The following MYO18B variants were observed in gnomAD, a reference collection of about 807,000 sequenced individuals.
The protein encoded by MYO18B is myosin XVIIIB.
Under a neutral mutation model 273.0 loss-of-function variants are expected in MYO18B, and 204 were observed. The ratio of observed to expected loss-of-function variants is 0.75; its 90% CI spans 0.67 to 0.84. The LOEUF (loss-of-function observed/expected upper bound fraction) is 0.84. Among genes scored for constraint, MYO18B ranks in the 40% least tolerant of loss-of-function variants. The pLI is 0.00. For missense variants in MYO18B, 3,212 were observed against 3,287.6 expected, an observed-to-expected ratio of 0.98 and a Z score of 0.56; for synonymous variants, 1,330 against 1,305.7, an observed-to-expected ratio of 1.02 and a Z score of -0.40.
intron 30 of MYO18B, 49 bp from the exon 31 acceptor site, chr22:25,903,582 G>A (rs956036456): frequency 1.2e-5 from 18 of 1,540,454 alleles, no homozygotes; most frequent in Non-Finnish European, 1.6e-5. Context: ...GGGGGAGGAG[G>A]GAGGCATACT....
chr22:26,003,125 G>A lies in MYO18B; in HGVS notation c.6288-140G>A, dbSNP rs116124727. The A allele has an allele frequency of 1.1e-3, 809 of 733,238 alleles. 3 individuals are homozygous for A. In the African/African-American group the frequency reaches 0.012, roughly 11 times the overall value. 45.4% of individuals were successfully genotyped at this position (733,238 alleles called of 1,614,324 possible). A position where few individuals can be genotyped will look rare whatever the true frequency, so the allele number is the denominator to read the frequency against. ...GAAGGAAGAAAGGAAGCTCAGGGAA[G>A]GCAAGTGACTTCCCTGAGATCACAC... On this transcript the variant is annotated intron_variant, in intron 40 of 43. Transcript: ENST00000335473.
chr22:25,891,039 T>C (rs1416401153), intron 26 of MYO18B, among the ~76,000 whole-genome samples, 164 bp downstream of exon 26: 1 of 152,196 alleles, frequency 6.6e-6, no homozygotes, highest in African/African-American at 2.4e-5. Flanking sequence ...TCCTAAGGCT[T>C]GGCCTTGGGG....
rs533165096 is a variant in MYO18B at position 25,949,954 on chromosome 22, C to T, written c.5749-413C>T. ...AAAGGCTGAGCTGAGATTGTCAGTC[C>T]GTTTTACGAATGCAGAGACTCAGGT... On this transcript the variant is annotated intron_variant, in intron 36 of 43. Transcript: ENST00000335473. Among the ~76,000 whole-genome samples, 108 of 152,216 alleles carry T rather than the reference C, an allele frequency of 7.1e-4. No homozygotes were observed. The Middle Eastern group carries it at 0.01, about 14-fold the overall frequency.
intron 40 of MYO18B, among the ~76,000 whole-genome samples, chr22:26,002,449 A>G (rs1934044580): frequency 6.6e-6 from 1 of 152,156 alleles, no homozygotes; most frequent in African/African-American, 2.4e-5. Flanking sequence ...CCCCAGGGTG[A>G]CAGGCTTTTG....
chr22:25,825,090 T>A (rs548973446), intron 13 of MYO18B, among the ~76,000 whole-genome samples: 1 of 149,182 alleles, frequency 6.7e-6, no homozygotes, highest in Non-Finnish European at 1.5e-5. Flanking sequence ...CGTGCACACA[T>A]ATGCACAGGC....
At position 25,847,588 on chromosome 22, in the gene MYO18B, C is replaced by G; in HGVS notation, c.3711C>G (p.Ile1237Met). Residue 1237 changes from isoleucine to methionine, a missense_variant, in exon 20 of 44, where the codon ATC becomes ATG. Transcript: ENST00000335473. ...PGAGGPLALD[I>M]PALRVQLAGF... The stretch of plus-strand genomic sequence containing the variant: ...CAGGTGGACCTCTGGCCCTGGATAT[C>G]CCAGCACTGAGGGTCCAGCTTGCTG... 1 of 1,566,646 alleles carries G rather than the reference C, an allele frequency of 6.4e-7. No individual in the cohort carries two copies. Among genetic ancestry groups the G allele is most frequent in the South Asian group, 1.2e-5 (1 of 84,840 alleles).
chr22:26,003,858 C>T (rs1934195329), intron 41 of MYO18B, among the ~76,000 whole-genome samples: 1 of 152,026 alleles, frequency 6.6e-6, no homozygotes, highest in Non-Finnish European at 1.5e-5. Context: ...TTTATAGAGG[C>T]ACAGAGGGTA....
chr22:25,782,836 A>T (rs977973823), intron 10 of MYO18B, among the ~76,000 whole-genome samples: 7 of 152,224 alleles, frequency 4.6e-5, no homozygotes, highest in Non-Finnish European at 1.0e-4. Context: ...GTAACTGAGC[A>T]GCAGGGAAAC....
chr22:25,787,215 A>G (rs931204491), intron 11 of MYO18B, among the ~76,000 whole-genome samples: 10 of 151,926 alleles, frequency 6.6e-5, no homozygotes, highest in African/African-American at 2.4e-4. Context: ...ACTCTGTCTC[A>G]GAAAAAAAAA....
chr22:26,025,319 G>A (rs1395124781), intron 42 of MYO18B, among the ~76,000 whole-genome samples: 1 of 152,148 alleles, frequency 6.6e-6, no homozygotes, highest in African/African-American at 2.4e-5. Context: ...CTCCTAAACT[G>A]TCCTGTGTGA....
intron 10 of MYO18B, among the ~76,000 whole-genome samples, chr22:25,785,047 G>T (rs770185316): frequency 8.5e-5 from 13 of 152,228 alleles, no homozygotes; most frequent in Admixed American, 6.5e-4. Context: ...TACCCATGGA[G>T]TGGGGCTGTC....
In MYO18B at chr22:25,876,279, C is replaced by G; in HGVS notation, c.4171C>G (p.Leu1391Val). 1 of 1,613,458 alleles carries G rather than the reference C, an allele frequency of 6.2e-7. No individual in the cohort carries two copies. The highest frequency in any genetic ancestry group is 8.5e-7 in the Non-Finnish European group (1 of 1,179,706). ...GCCATGGTGGCAGCTGCTTGGTTCC[C>G]TCCAGCCTCTACTTAGTGCCACCAT... ...DWPWWQLLGSLQPLLSATIGT... is the reference protein window; with the variant it reads ...DWPWWQLLGSVQPLLSATIGT... Residue 1391 changes from leucine to valine, a missense_variant, in exon 24 of 44, where the codon CTC (leucine) becomes GTC (valine). Physicochemically the swap from Leu to Val is conservative, Grantham distance 32. Coordinates refer to ENST00000335473, the MANE Select transcript of MYO18B (RefSeq NM_032608.7).
At chr22:25,914,287 G>A (rs1263069618) in intron 33 of MYO18B, among the ~76,000 whole-genome samples, 1 of 152,104 alleles carries the variant, frequency 6.6e-6, no homozygotes, top group East Asian at 1.9e-4. Flanking sequence ...AAAACCTGAT[G>A]TAATTTTTAT....
Position 25,828,795 on chromosome 22 carries a change from C to T in MYO18B, c.2806C>T (p.Leu936Phe). Reference sequence around the variant, plus strand: ...CCCTAGATCCTTTTCCTCCCACCATCTCTCCATGGCCTCCATCATGGTGGT... The same window carrying T: ...CCCTAGATCCTTTTCCTCCCACCATTTCTCCATGGCCTCCATCATGGTGGT... ...LINRSFSSHH[L>F]SMASIMVVDS... The change falls in exon 15 of 44, where the codon CTC (leucine) becomes TTC (phenylalanine). Residue 936 changes from leucine (L) to phenylalanine (F), a missense_variant. Coordinates refer to ENST00000335473, the MANE Select transcript of MYO18B (RefSeq NM_032608.7). The T allele has an allele frequency of 6.2e-7, 1 of 1,613,750 alleles. No individual in the cohort carries two copies.
chr22:26,017,768 C>T (rs1269135341), intron 42 of MYO18B, among the ~76,000 whole-genome samples: 1 of 152,056 alleles, frequency 6.6e-6, no homozygotes, highest in East Asian at 1.9e-4. Flanking sequence ...CTTCTTTAGT[C>T]TCTTTTAAGA....
At chr22:25,911,218 G>A (rs2092151807) in intron 33 of MYO18B, among the ~76,000 whole-genome samples, 168 bp downstream of exon 33, 1 of 152,204 alleles carries the variant, frequency 6.6e-6, no homozygotes, top group Admixed American at 6.5e-5. Flanking sequence ...CAAACAGCAG[G>A]GTTTTTGTAA....
intron 12 of MYO18B, among the ~76,000 whole-genome samples, chr22:25,808,920 C>T (rs1452294694): frequency 6.6e-6 from 1 of 152,016 alleles, no homozygotes; most frequent in East Asian, 1.9e-4. Context: ...GAGAGTTTTC[C>T]CCAGCAACTT....
intron 25 of MYO18B, 84 bp from the exon 26 acceptor site, chr22:25,890,672 C>T: frequency 1.9e-6 from 3 of 1,550,352 alleles, no homozygotes; most frequent in Non-Finnish European, 2.6e-6. Context: ...GTGATTTGTC[C>T]AAAGGCGATC....
At chr22:25,967,083 C>T (rs1401963394) in intron 39 of MYO18B, among the ~76,000 whole-genome samples, 1 of 152,184 alleles carries the variant, frequency 6.6e-6, no homozygotes, top group Non-Finnish European at 1.5e-5. Flanking sequence ...AAATAATGCG[C>T]TGAGGCTCAA....
Sources: allele counts gnomAD v4.1 joint callset (sites outside exome capture counted in the v4.1 genomes callset), GRCh38; gene constraint gnomAD v4.1.1; transcripts MANE v1.5; gene names NCBI Gene and HGNC (gene_info 2026-07-23, HGNC 2026-07-21).